The following GRTP1 variants were observed in gnomAD, a reference collection of about 807,000 sequenced individuals.
The protein encoded by GRTP1 is growth hormone regulated TBC protein 1, also known as growth hormone-regulated TBC protein 1.
A neutral mutation model predicts 38.1 loss-of-function variants in GRTP1; 56 were observed. The ratio of observed to expected loss-of-function variants is 1.47; its 90% CI spans 1.19 to 1.84. The LOEUF (loss-of-function observed/expected upper bound fraction) is 1.84. Ranked by LOEUF, GRTP1 falls within the 40% of genes most tolerant of loss-of-function variation. The pLI is 0.00. For synonymous variants in GRTP1, 217 were observed against 189.5 expected (o/e 1.14, Z -1.19); for missense variants, 506 against 453.9 (o/e 1.11, Z -1.04).
At chr13:113,345,955 GCCAAAAGCAGACCCAGGAGGA>G (rs1566428408) in intron 4 of GRTP1, among the ~76,000 whole-genome samples, 1 of 152,068 alleles carries the variant, frequency 6.6e-6, no homozygotes, top group Admixed American at 6.5e-5. Flanking sequence ...GACCTCTGTG[GCCAAAAGCAGACCCAGGAGGA>G]CTTTTGTGGC....
rs548287558 is a variant in GRTP1, at chr13:113,343,015, C to A, written c.562+1848G>T. 1.3e-5 allele frequency among the ~76,000 whole-genome samples: 2 copies of A among 152,014 alleles called. No individual in the cohort carries two copies. Among genetic ancestry groups the A allele is most frequent in the Non-Finnish European group, 2.9e-5 (2 of 68,002 alleles). On this transcript the variant is annotated intron_variant, in intron 5 of 7. Coordinates refer to ENST00000375431, the MANE Select transcript of GRTP1 (RefSeq NM_024719.4). This position sits in a 1 kb window ranked among gnomAD's most constrained non-coding sequence, Gnocchi z 4.8. ...CCTGCTGCTGCTTGAGGTCTGCCCT[C>A]CACAAAGACAGGAACTCGTGTGTGC...
At position 113,349,314 on chromosome 13, in the gene GRTP1, G is replaced by A. The variant is rs867644141; in HGVS notation, c.465+1535C>T. ...AACGACCCTCTCACCTCAGCCCCTC[G>A]AGCAGCCGGGACCACAGGCGTGTGC... On this transcript the variant is annotated intron_variant, in intron 4 of 7. Transcript: ENST00000375431. The surrounding 1 kb of genome is among the most constrained non-coding windows in gnomAD (Gnocchi z 5.0). Among the ~76,000 whole-genome samples the A allele has an allele frequency of 6.6e-6, 1 of 151,682 alleles. No homozygotes were observed.
intron 2 of GRTP1, among the ~76,000 whole-genome samples, chr13:113,356,192 A>T (rs2043382179): frequency 6.6e-6 from 1 of 152,136 alleles, no homozygotes; most frequent in South Asian, 2.1e-4. Context: ...TAACCTACAA[A>T]ACAGTTAATT....
chr13:113,328,946 C>G (rs1267097967), intron 5 of GRTP1, among the ~76,000 whole-genome samples: 1 of 149,684 alleles, frequency 6.7e-6, no homozygotes, highest in Non-Finnish European at 1.5e-5. Context: ...TCAAACCTTA[C>G]AAAGCAGCCT....
intron 5 of GRTP1, among the ~76,000 whole-genome samples, chr13:113,327,400 G>A (rs2042790447): frequency 1.3e-5 from 2 of 152,158 alleles, no homozygotes; most frequent in South Asian, 2.1e-4. Context: ...GGCTGGTCTC[G>A]AACTCCTGAC....
chr13:113,326,366 GGGT>G (rs2042769681), intron 5 of GRTP1, among the ~76,000 whole-genome samples: 1 of 94,252 alleles, frequency 1.1e-5, no homozygotes, highest in African/African-American at 7.7e-5. Flanking sequence ...TGCAGGTGGA[GGGT>G]GGCGCGGTGG....
chr13:113,324,594 T>C lies in GRTP1; in HGVS notation c.922-17A>G. The C allele has an allele frequency of 6.3e-7, 1 of 1,587,694 alleles. No homozygotes were observed. The highest frequency in any genetic ancestry group is 8.6e-7 in the Non-Finnish European group (1 of 1,166,236). On this transcript the variant is annotated splice_polypyrimidine_tract_variant and intron_variant, in intron 7 of 7. Transcript: ENST00000375431. ...AAATATTTTCTGGAAGGCAAACAGT[T>C]AGTTTAAAAACAAACCCAACAACCC...
chr13:113,336,521 TGAA>T (rs1430618043), intron 5 of GRTP1, among the ~76,000 whole-genome samples: 1 of 151,794 alleles, frequency 6.6e-6, no homozygotes, highest in Non-Finnish European at 1.5e-5. Flanking sequence ...GCTGGGAGAC[TGAA>T]GAACAGGGGG....
intron 5 of GRTP1, among the ~76,000 whole-genome samples, chr13:113,335,000 T>C (rs1295627897): frequency 1.3e-5 from 2 of 151,814 alleles, no homozygotes; most frequent in Non-Finnish European, 2.9e-5. Context: ...TTTTTTGTAT[T>C]TTTAGTAGAC....
At chr13:113,361,304 T>C (rs2043494987) in intron 2 of GRTP1, among the ~76,000 whole-genome samples, 1 of 151,510 alleles carries the variant, frequency 6.6e-6, no homozygotes, top group South Asian at 2.1e-4. Context: ...ATCTGGAGGA[T>C]TTTGCATCCG....
intron 5 of GRTP1, among the ~76,000 whole-genome samples, chr13:113,327,101 T>G (rs1254705102): frequency 6.6e-6 from 1 of 152,254 alleles, no homozygotes; most frequent in Non-Finnish European, 1.5e-5. Context: ...TTGCCCTTCT[T>G]TTGAATGGAC....
chr13:113,355,346 C>A lies in GRTP1; in HGVS notation c.317G>T (p.Arg106Met), dbSNP rs1290527475. The A allele has an allele frequency of 1.2e-6, 2 of 1,614,130 alleles. No individual in the cohort carries two copies. Among genetic ancestry groups the A allele is most frequent in the East Asian group, 4.5e-5 (2 of 44,874 alleles). Residue 106 changes from arginine to methionine, a missense_variant, in exon 3 of 8, where the codon AGG becomes ATG. Transcript: ENST00000375431. ...ACCTGTCCTGATGGCGTCCTCCAGC[C>A]TGGGGTTTCTCTCTCCCTGGAGAAG... Reference protein sequence around the residue: ...HQLLQGERNPRLEDAIRTDLN... With the variant: ...HQLLQGERNPMLEDAIRTDLN...
At chr13:113,362,522 G>A (rs181178596) in intron 2 of GRTP1, among the ~76,000 whole-genome samples, 1 of 152,282 alleles carries the variant, frequency 6.6e-6, no homozygotes, top group East Asian at 1.9e-4. Context: ...AGTGGTCCCA[G>A]CTATGCGGGA....
chr13:113,346,584 AC>A (rs2043142055), intron 4 of GRTP1, among the ~76,000 whole-genome samples: 1 of 1,024 alleles, frequency 9.8e-4, no homozygotes, highest in African/African-American at 1.1e-3. Flanking sequence ...GTGGCCGAGA[AC>A]AGACCCGGGA....
chr13:113,326,225 G>A (rs2042766435), intron 5 of GRTP1, 134 bp from the exon 6 acceptor site: 2 of 1,121,882 alleles, frequency 1.8e-6, no homozygotes, highest in Non-Finnish European at 2.5e-6. Flanking sequence ...CAAAGTTGGA[G>A]AGGAAGAGTC....
intron 4 of GRTP1, 64 bp from the exon 5 acceptor site, chr13:113,345,023 T>C (rs1252437417): frequency 6.5e-7 from 1 of 1,539,828 alleles, no homozygotes; most frequent in African/African-American, 1.4e-5. Context: ...GATTCTGCAA[T>C]CATTCGGCTA....
Position 113,326,051 on chromosome 13 carries a change from C to T in GRTP1, c.603G>A (p.Gln201=). ...CCCGCACCAGCTCCCCGAGGACCTC[C>T]TGGTCGGTCTTCAGGCCCAGCATGG... ...SPAMLGLKTD[Q]EVLGELVRAK... is the part of the protein sequence containing the mutation. The change falls in exon 6 of 8, where the codon CAG becomes CAA. Residue 201 remains glutamine, a synonymous_variant. Coordinates refer to ENST00000375431, the MANE Select transcript of GRTP1 (RefSeq NM_024719.4). 6.2e-7 allele frequency: 1 copy of T among 1,612,468 alleles called. No individual in the cohort carries two copies. The highest frequency in any genetic ancestry group is 1.1e-5 in the South Asian group (1 of 91,060).
chr13:113,324,978 G>A, intron 7 of GRTP1: 1 of 538,532 alleles, frequency 1.9e-6, no homozygotes, highest in Non-Finnish European at 2.4e-6. Context: ...ATAAGCGTGA[G>A]CCACCACACC....
chr13:113,329,245 ACT>A (rs1269865217), intron 5 of GRTP1, among the ~76,000 whole-genome samples: 2 of 152,114 alleles, frequency 1.3e-5, no homozygotes, highest in Non-Finnish European at 2.9e-5. Flanking sequence ...CGCATAACAC[ACT>A]CTGCAGTGCC....
Sources: gnomAD v4.1 joint callset for allele counts (sites outside exome capture counted in the v4.1 genomes callset) on GRCh38, gnomAD v4.1.1 for gene constraint, Gnocchi (gnomAD v3.1) non-coding constraint, MANE v1.5 for transcripts, NCBI Gene and HGNC (gene_info 2026-07-23, HGNC 2026-07-21) for gene names.